Variants in CIB3 observed in about 807,000 individuals in gnomAD.
The protein encoded by CIB3 is calcium and integrin binding family member 3.
A neutral mutation model predicts 23.4 loss-of-function variants in CIB3; 22 were observed. The ratio of observed to expected loss-of-function variants is 0.94; its 90% CI spans 0.67 to 1.34. CIB3 has a LOEUF of 1.34. Ranked by LOEUF, CIB3 falls within the 40% of genes most tolerant of loss-of-function variation. The pLI, the probability that CIB3 is intolerant of heterozygous loss-of-function variation, is 0.00. For missense variants in CIB3, 258 were observed against 247.3 expected (o/e 1.04, Z -0.29); for synonymous variants, 93 against 95.8 (o/e 0.97, Z 0.17).
Position 16,171,245 on chromosome 19 carries a change from A to T in CIB3, c.87-1504T>A, listed in dbSNP as rs369196081. On this transcript the variant is annotated intron_variant, in intron 2 of 5. Transcript: ENST00000269878. ...GGGGCAGAGCAGAGACAAACAGCTAATAGTCACATTTTTTCTAAAGGGCAG... is the reference window on the plus strand; with the variant it reads ...GGGGCAGAGCAGAGACAAACAGCTATTAGTCACATTTTTTCTAAAGGGCAG... Among the ~76,000 whole-genome samples the T allele has an allele frequency of 1.3e-4, 20 of 152,314 alleles. No homozygotes were observed. The East Asian group carries it at 2.9e-3, about 22-fold the overall frequency.
At chr19:16,162,144 C>T (rs1208873744) in intron 5 of CIB3, among the ~76,000 whole-genome samples, 1 of 151,496 alleles carries the variant, frequency 6.6e-6, no homozygotes, top group Non-Finnish European at 1.5e-5. Flanking sequence ...CAGTGACTCA[C>T]CCCTGTAATC....
At chr19:16,166,302 T>C (rs1316459661) in intron 4 of CIB3, among the ~76,000 whole-genome samples, 1 of 152,036 alleles carries the variant, frequency 6.6e-6, no homozygotes, top group Non-Finnish European at 1.5e-5. Flanking sequence ...AGTAAAAAAA[T>C]AAATAAATAA....
chr19:16,163,308 A>G (rs904693760), intron 5 of CIB3, among the ~76,000 whole-genome samples: 1 of 152,202 alleles, frequency 6.6e-6, no homozygotes, highest in African/African-American at 2.4e-5. Flanking sequence ...TACTCCCAGC[A>G]GTCTGGGAGG....
Position 16,173,254 on chromosome 19 carries a change from C to T in CIB3, c.52-58G>A, listed in dbSNP as rs371723165. ...CTGCCTCTGGGGCCTCCTCCCACGG[C>T]CTCCTCCCTCCACCCCACACTCACA... is the stretch of plus-strand genomic sequence containing the variant. On this transcript the variant is annotated intron_variant, in intron 1 of 5. Coordinates refer to ENST00000269878, the MANE Select transcript of CIB3 (RefSeq NM_054113.4). 1.9e-5 allele frequency: 30 copies of T among 1,612,126 alleles called. 1 individual carries two copies. The highest frequency in any genetic ancestry group is 2.2e-5 in the East Asian group (1 of 44,832).
intron 3 of CIB3, 75 bp downstream of exon 3, chr19:16,169,555 C>G: frequency 7.7e-7 from 1 of 1,303,484 alleles, no homozygotes; most frequent in Non-Finnish European, 1.1e-6. Flanking sequence ...ATAACTGCAG[C>G]ACTGACCTCA....
intron 5 of CIB3, among the ~76,000 whole-genome samples, chr19:16,162,245 A>C (rs10415138): frequency 1.6e-4 from 17 of 105,056 alleles, no homozygotes; most frequent in Non-Finnish European, 2.9e-4. Flanking sequence ...TGTCTCCACA[A>C]AAAAAAAAAA....
At chr19:16,164,576 T>G (rs770406278) in intron 5 of CIB3, 142 bp downstream of exon 5, 80 of 801,842 alleles carry the variant, frequency 1.0e-4, no homozygotes, top group Middle Eastern at 3.3e-4. Context: ...ATGCAGGGAC[T>G]GAGACTAGGG....
chr19:16,173,317 G>A, intron 1 of CIB3, 108 bp downstream of exon 1: 1 of 1,572,316 alleles, frequency 6.4e-7, no homozygotes, highest in Non-Finnish European at 8.8e-7. Flanking sequence ...AGCAGAACCA[G>A]GAACCCAGGC....
At chr19:16,168,807 T>C (rs2091316437) in intron 3 of CIB3, among the ~76,000 whole-genome samples, 1 of 152,198 alleles carries the variant, frequency 6.6e-6, no homozygotes, top group African/African-American at 2.4e-5. Context: ...TGGTTCCAGC[T>C]GTACCTGACA....
At chr19:16,167,105 C>T (rs2091308978) in intron 4 of CIB3, among the ~76,000 whole-genome samples, 1 of 152,084 alleles carries the variant, frequency 6.6e-6, no homozygotes, top group Admixed American at 6.6e-5. Context: ...TAATCAATCT[C>T]AGCTACTCAG....
chr19:16,165,293 A>AG lies in CIB3; in HGVS notation c.347-381_347-380insC, dbSNP rs1491167908. On this transcript the variant is annotated intron_variant, in intron 4 of 5. Coordinates refer to ENST00000269878, the MANE Select transcript of CIB3 (RefSeq NM_054113.4). ...GGGCAGCAAGACAGAAACTCCGTCCAAAAAAAAAAAAAAAAAAAAGGAACT... is the reference window on the plus strand; with the variant it reads ...GGGCAGCAAGACAGAAACTCCGTCCAGAAAAAAAAAAAAAAAAAAAGGAACT... Among the ~76,000 whole-genome samples, 3 of 19,146 alleles carry AG rather than the reference A, an allele frequency of 1.6e-4. No individual in the cohort carries two copies. In the South Asian group the frequency reaches 7.9e-3, roughly 50 times the overall value. 12.6% of individuals were successfully genotyped at this position (19,146 alleles called of 152,430 possible).
intron 2 of CIB3, among the ~76,000 whole-genome samples, chr19:16,171,723 A>T (rs1272955840): frequency 1.3e-5 from 2 of 152,114 alleles, no homozygotes; most frequent in Non-Finnish European, 2.9e-5. Flanking sequence ...TCAGCCTGGG[A>T]TCAGCCCCGC....
Position 16,161,559 on chromosome 19 carries a change from G to A in CIB3, c.543-73C>T, listed in dbSNP as rs537664222. The A allele has an allele frequency of 4.6e-6, 7 of 1,531,224 alleles. No homozygotes were observed. In the African/African-American group the frequency reaches 5.5e-5, roughly 12 times the overall value. The allele number at this position is 1,531,224 out of a possible 1,614,324, so 94.9% of individuals were successfully genotyped here. A position where few individuals can be genotyped will look rare whatever the true frequency, so the allele number is the denominator to read the frequency against. ...CCCTTTTCCTCCTCCCCCTCAACAC[G>A]CTCACGGCAAGTCCCTGGGACAGGC... On this transcript the variant is annotated intron_variant, in intron 5 of 5. Transcript: ENST00000269878.
chr19:16,162,699 G>A (rs2145075675), intron 5 of CIB3, among the ~76,000 whole-genome samples: 1 of 151,928 alleles, frequency 6.6e-6, no homozygotes, highest in South Asian at 2.1e-4. Context: ...AGGTTGCTGT[G>A]AGCCGAGATC....
intron 4 of CIB3, among the ~76,000 whole-genome samples, chr19:16,166,907 C>G (rs2091307967): frequency 6.6e-6 from 1 of 152,100 alleles, no homozygotes; most frequent in Admixed American, 6.6e-5. Flanking sequence ...TGGTGAAACC[C>G]CATCTTTACT....
intron 1 of CIB3, 77 bp from the exon 2 acceptor site, chr19:16,173,273 A>G (rs1390601465): frequency 6.2e-6 from 10 of 1,605,242 alleles, no homozygotes; most frequent in Non-Finnish European, 8.5e-6. Flanking sequence ...TCCACCCCAC[A>G]CTCACACAGA....
chr19:16,164,767 A>G lies in CIB3; in HGVS notation c.493T>C (p.Ser165Pro), dbSNP rs868131766. ...ATCATGTTCTGGAAATCTTCCAGGG[A>G]CAGCCGCCCATCATGGTCTCCATCA... ...EADGDHDGRL[S>P]LEDFQNMILR... is the part of the protein sequence containing the mutation. Residue 165 changes from serine (S) to proline (P), a missense_variant, in exon 5 of 6, where the codon TCC (serine) becomes CCC (proline). Transcript: ENST00000269878. The G allele has an allele frequency of 1.9e-6, 3 of 1,614,000 alleles. No individual in the cohort carries two copies. The highest frequency in any genetic ancestry group is 2.5e-6 in the Non-Finnish European group (3 of 1,179,970).
intron 4 of CIB3, among the ~76,000 whole-genome samples, chr19:16,167,689 A>C (rs529421728): frequency 6.6e-6 from 1 of 152,104 alleles, no homozygotes; most frequent in Non-Finnish European, 1.5e-5. Context: ...AAAATTAGCC[A>C]GGCGTGATGG....
chr19:16,173,096 A>C, intron 2 of CIB3, 66 bp downstream of exon 2: 1 of 1,598,806 alleles, frequency 6.3e-7, no homozygotes, highest in Non-Finnish European at 8.6e-7. Context: ...CAAATTGCAA[A>C]TATCCTCCAG....
Sources: gnomAD v4.1 joint callset for allele counts (sites outside exome capture counted in the v4.1 genomes callset) on GRCh38, gnomAD v4.1.1 for gene constraint, MANE v1.5 for transcripts, NCBI Gene and HGNC (gene_info 2026-07-23, HGNC 2026-07-21) for gene names.